The following ATRN variants were observed in gnomAD, a reference collection of about 807,000 sequenced individuals.
The protein encoded by ATRN is attractin-2.
ATRN carries 54 observed loss-of-function variants against 178.7 expected under a neutral mutation model. The ratio of observed to expected loss-of-function variants is 0.30; its 90% CI spans 0.24 to 0.38. The LOEUF (loss-of-function observed/expected upper bound fraction) is 0.38. Ranked by LOEUF, ATRN falls within the 10% of genes least tolerant of loss-of-function variation. ATRN has a pLI of 1.00. For missense variants in ATRN, 1,443 were observed against 1,815.1 expected, an observed-to-expected ratio of 0.79 and a Z score of 3.73; for synonymous variants, 636 against 663.0, an observed-to-expected ratio of 0.96 and a Z score of 0.63.
At chr20:3,603,481 TTTTC>T (rs1223846481) in intron 23 of ATRN, among the ~76,000 whole-genome samples, 20 of 151,766 alleles carry the variant, frequency 1.3e-4, no homozygotes, top group South Asian at 8.3e-4. Flanking sequence ...GTAAAACCAT[TTTTC>T]TTTCTTTCTT....
chr20:3,589,401 T>G (rs1018554293), intron 18 of ATRN, among the ~76,000 whole-genome samples: 8 of 152,120 alleles, frequency 5.3e-5, no homozygotes, highest in Non-Finnish European at 1.0e-4. Flanking sequence ...ATTATTCTTT[T>G]ACATTTTGCA....
rs1024888213 is a variant in ATRN, at chr20:3,471,135, G to A, written c.28G>A (p.Ala10Thr). ...GGTGGCTGCAGCGGCGGCAACTGAGGCAAGGCTGAGGAGGAGGACGGCGGC... is the reference window on the plus strand; with the variant it reads ...GGTGGCTGCAGCGGCGGCAACTGAGACAAGGCTGAGGAGGAGGACGGCGGC... Reference protein sequence around the residue: MVAAAAATEARLRRRTAATA... With the variant: MVAAAAATETRLRRRTAATA... The change falls in exon 1 of 29, where the codon GCA becomes ACA. Residue 10 changes from alanine (A) to threonine (T), a missense_variant. This residue lies in a region of ATRN where 862 missense variants were observed against 972.1 expected (regional missense o/e 0.89). Coordinates refer to ENST00000262919, the MANE Select transcript of ATRN (RefSeq NM_139321.3). 1 of 1,510,590 alleles carries A rather than the reference G, an allele frequency of 6.6e-7. No individual in the cohort carries two copies. The highest frequency in any genetic ancestry group is 2.3e-4 in the Middle Eastern group (1 of 4,300). The allele number at this position is 1,510,590 out of a possible 1,614,324, so 93.6% of individuals were successfully genotyped here.
chr20:3,523,104 TAAC>T (rs1468541765), intron 1 of ATRN, among the ~76,000 whole-genome samples: 3 of 151,852 alleles, frequency 2.0e-5, no homozygotes, highest in East Asian at 2.0e-4. Context: ...AGGTGGGTAA[TAAC>T]AAACTCCTCC....
intron 1 of ATRN, among the ~76,000 whole-genome samples, chr20:3,530,476 T>C (rs2146170738): frequency 6.6e-6 from 1 of 150,848 alleles, no homozygotes; most frequent in Non-Finnish European, 1.5e-5. Context: ...AGATGGGTTT[T>C]TGCCACGTTG....
chr20:3,471,319 C>CGCT lies in ATRN; in HGVS notation c.230_232dup (p.Leu77dup), dbSNP rs772463780. ...CTGCTGCTGTTGTTGCTCTCGCCGCCGCTGCTGCTGCTGCTGCTGCCCTGT... is the reference window on the plus strand; with the variant it reads ...CTGCTGCTGTTGTTGCTCTCGCCGCCGCTGCTGCTGCTGCTGCTGCTGCCCTGT... On this transcript the variant is annotated inframe_insertion, in exon 1 of 29. Transcript: ENST00000262919. 4.7e-5 allele frequency: 69 copies of CGCT among 1,481,214 alleles called. No individual in the cohort carries two copies. Among genetic ancestry groups the CGCT allele is most frequent in the East Asian group, 1.2e-4 (4 of 34,776 alleles). The allele number at this position is 1,481,214 out of a possible 1,614,324, so 91.8% of individuals were successfully genotyped here.
chr20:3,574,963 C>CTT (rs536199981), intron 12 of ATRN, among the ~76,000 whole-genome samples: 60 of 146,418 alleles, frequency 4.1e-4, no homozygotes, highest in Non-Finnish European at 3.3e-4. Flanking sequence ...CAGCTTCTCT[C>CTT]TTTTTTTTTT....
intron 1 of ATRN, among the ~76,000 whole-genome samples, chr20:3,493,074 T>C (rs1287737666): frequency 6.8e-6 from 1 of 146,466 alleles, no homozygotes; most frequent in Non-Finnish European, 1.5e-5. Flanking sequence ...TTATATATTA[T>C]ATATAATTTA....
chr20:3,528,238 G>C (rs1295400645), intron 1 of ATRN, among the ~76,000 whole-genome samples: 1 of 151,900 alleles, frequency 6.6e-6, no homozygotes, highest in Admixed American at 6.6e-5. Context: ...CATGGTGGTG[G>C]GCGCCTGTAA....
Position 3,649,553 on chromosome 20 carries a change from C to CA in ATRN, c.*2707dup, listed in dbSNP as rs1373586354. On this transcript the variant is annotated 3_prime_UTR_variant, in exon 29 of 29. Coordinates refer to ENST00000262919, the MANE Select transcript of ATRN (RefSeq NM_139321.3). Reference sequence around the variant, plus strand: ...ATTAGGTATTTCTTAAAACAGGACTCATCTGTCAGAGTGCACATGAAAAAT... The same window carrying CA: ...ATTAGGTATTTCTTAAAACAGGACTCAATCTGTCAGAGTGCACATGAAAAAT... The CA allele has an allele frequency of 6.6e-6, 1 of 152,188 alleles. No individual in the cohort carries two copies. Among genetic ancestry groups the CA allele is most frequent in the Non-Finnish European group, 1.5e-5 (1 of 68,032 alleles). 9.4% of individuals were successfully genotyped at this position (152,188 alleles called of 1,614,324 possible).
chr20:3,538,435 C>A (rs1013440346), intron 2 of ATRN, among the ~76,000 whole-genome samples: 2 of 152,094 alleles, frequency 1.3e-5, no homozygotes, highest in African/African-American at 4.8e-5. Flanking sequence ...CCTGGGACCT[C>A]CCATAAGGGT....
At chr20:3,586,439 G>A (rs1005245992) in intron 18 of ATRN, among the ~76,000 whole-genome samples, 10 of 151,614 alleles carry the variant, frequency 6.6e-5, no homozygotes, top group Non-Finnish European at 1.2e-4. Flanking sequence ...TAATAGGCAT[G>A]AGGTTTTCTA....
rs1174026543 is a variant in ATRN at position 3,646,978 on chromosome 20, C to G, written c.*131C>G. The G allele has an allele frequency of 1.7e-6, 2 of 1,210,072 alleles. No individual in the cohort carries two copies. Among genetic ancestry groups the G allele is most frequent in the Non-Finnish European group, 2.2e-6 (2 of 897,888 alleles). The allele number at this position is 1,210,072 out of a possible 1,614,324, so 75.0% of individuals were successfully genotyped here. ...GACTGGAAACCCTCAAAGCATCTGA[C>G]TCACCTGCATGATCACAAGCTTTCT... On this transcript the variant is annotated 3_prime_UTR_variant, in exon 29 of 29. Transcript: ENST00000262919.
chr20:3,496,279 G>A (rs889026954), intron 1 of ATRN, among the ~76,000 whole-genome samples: 34 of 150,498 alleles, frequency 2.3e-4, no homozygotes, highest in African/African-American at 8.3e-4. Flanking sequence ...GCTTTCTCTT[G>A]TGGGCATTTA....
chr20:3,505,940 G>C (rs1296828045), intron 1 of ATRN, among the ~76,000 whole-genome samples: 1 of 152,198 alleles, frequency 6.6e-6, no homozygotes, highest in Non-Finnish European at 1.5e-5. Context: ...GAGGTATGCT[G>C]ATTGTAAAAG....
intron 8 of ATRN, among the ~76,000 whole-genome samples, chr20:3,561,754 C>T (rs2085955733): frequency 6.6e-6 from 1 of 152,096 alleles, no homozygotes; most frequent in South Asian, 2.1e-4. Context: ...TTGAGACAGG[C>T]TCTTGTTCTC....
chr20:3,547,153 C>T (rs1172115099), intron 4 of ATRN, 131 bp from the exon 5 acceptor site: 1 of 745,978 alleles, frequency 1.3e-6, no homozygotes, highest in African/African-American at 1.7e-5. Context: ...GGACTGAATC[C>T]TTAAGTACTG....
chr20:3,490,977 C>G (rs190295783), intron 1 of ATRN: 13 of 1,537,170 alleles, frequency 8.5e-6, no homozygotes, highest in Non-Finnish European at 1.2e-5. Context: ...CTCATGATAG[C>G]GCCGCTGCTG....
chr20:3,568,796 AAC>A (rs1312064063), intron 11 of ATRN, among the ~76,000 whole-genome samples: 1 of 152,220 alleles, frequency 6.6e-6, no homozygotes, highest in African/African-American at 2.4e-5. Context: ...AAGCTTATGT[AAC>A]ACACGTATTT....
At chr20:3,501,840 G>A (rs1244754787) in intron 1 of ATRN, among the ~76,000 whole-genome samples, 1 of 152,178 alleles carries the variant, frequency 6.6e-6, no homozygotes, top group South Asian at 2.1e-4. Flanking sequence ...AGCATCGGGG[G>A]ACACAGTTGG....
Sources: allele counts gnomAD v4.1 joint callset (sites outside exome capture counted in the v4.1 genomes callset), GRCh38; gene constraint gnomAD v4.1.1; regional missense constraint gnomAD v4.1.1; transcripts MANE v1.5; gene names NCBI Gene and HGNC (gene_info 2026-07-23, HGNC 2026-07-21).